OSBPL1A: variants seen among roughly 807,000 people sequenced by gnomAD.
OSBPL1A encodes the protein oxysterol-binding protein-related protein 1.
Under a neutral mutation model 137.1 loss-of-function variants are expected in OSBPL1A, and 80 were observed. The ratio of observed to expected loss-of-function variants is 0.58; its 90% confidence interval spans 0.49 to 0.70. The LOEUF (loss-of-function observed/expected upper bound fraction) is 0.70, where lower values mean the gene tolerates loss of function less well. Ranked by LOEUF, OSBPL1A falls within the 30% of genes least tolerant of loss-of-function variation. The pLI is 0.00. For missense variants in OSBPL1A, 970 were observed against 1,129.4 expected, an observed-to-expected ratio of 0.86 and a Z score of 2.02; for synonymous variants, 365 against 389.7, an observed-to-expected ratio of 0.94 and a Z score of 0.75.
At chr18:24,358,599 AAC>A in intron 4 of OSBPL1A, 2 of 691,532 alleles carry the variant, frequency 2.9e-6, no homozygotes, top group Non-Finnish European at 5.3e-6. Flanking sequence ...CATCGCCTGA[AAC>A]ACAGTAGGCC....
chr18:24,172,510 C>T (rs1016409465), intron 21 of OSBPL1A, 27 bp from the exon 22 acceptor site: 7 of 1,506,518 alleles, frequency 4.6e-6, no homozygotes, highest in Non-Finnish European at 6.5e-6. Flanking sequence ...AACCCAGAAG[C>T]ATAAGTGAGA....
intron 15 of OSBPL1A, among the ~76,000 whole-genome samples, chr18:24,268,785 C>T (rs17797837): frequency 0.12 from 17,871 of 152,152 alleles, 1,248 homozygotes; most frequent in South Asian, 0.17. Context: ...CAAGCGTCTT[C>T]TCCTAGGTAA....
At chr18:24,188,176 C>T (rs545236128) in intron 18 of OSBPL1A, among the ~76,000 whole-genome samples, 1 of 152,334 alleles carries the variant, frequency 6.6e-6, no homozygotes, top group East Asian at 1.9e-4. Context: ...AGGAGTTCTT[C>T]CCTCAAAGAG....
intron 1 of OSBPL1A, among the ~76,000 whole-genome samples, chr18:24,390,830 T>C (rs571126043): frequency 3.3e-4 from 50 of 151,830 alleles, no homozygotes; most frequent in Admixed American, 1.6e-3. Context: ...CCAGGTGCAG[T>C]GGCTCACGGC....
intron 15 of OSBPL1A, among the ~76,000 whole-genome samples, chr18:24,247,141 T>C (rs2088921260): frequency 6.6e-6 from 1 of 152,200 alleles, no homozygotes; most frequent in African/African-American, 2.4e-5. Context: ...GACTGAACCC[T>C]AGCAGAAATG....
intron 1 of OSBPL1A, among the ~76,000 whole-genome samples, chr18:24,382,806 G>T (rs917904646): frequency 8.5e-5 from 13 of 152,102 alleles, no homozygotes; most frequent in Admixed American, 2.0e-4. Context: ...AGCTCAGGAA[G>T]TTGAGACTGC....
At chr18:24,170,539 C>T (rs2086251981) in intron 23 of OSBPL1A, 86 bp from the exon 24 acceptor site, 5 of 1,493,872 alleles carry the variant, frequency 3.3e-6, no homozygotes, top group East Asian at 4.5e-5. Context: ...GGCGGTCTCC[C>T]ATCCGAGTAC....
chr18:24,349,843 C>A (rs938625911), intron 4 of OSBPL1A, among the ~76,000 whole-genome samples: 1 of 152,124 alleles, frequency 6.6e-6, no homozygotes, highest in Non-Finnish European at 1.5e-5. Flanking sequence ...TCAGTCTTCA[C>A]GGTCCCTGAG....
At chr18:24,208,994 A>G (rs1425764672) in intron 17 of OSBPL1A, among the ~76,000 whole-genome samples, 2 of 152,224 alleles carry the variant, frequency 1.3e-5, no homozygotes, top group Non-Finnish European at 2.9e-5. Context: ...GCAGTGGCTG[A>G]AAGTTTGGGG....
intron 17 of OSBPL1A, among the ~76,000 whole-genome samples, chr18:24,215,422 C>T (rs138750345): frequency 3.3e-5 from 5 of 152,226 alleles, no homozygotes; most frequent in Middle Eastern, 3.4e-3. Context: ...GTGTATAAAC[C>T]AAATTTTTCT....
intron 24 of OSBPL1A, among the ~76,000 whole-genome samples, chr18:24,169,713 G>A (rs2086229532): frequency 6.6e-6 from 1 of 152,158 alleles, no homozygotes; most frequent in Non-Finnish European, 1.5e-5. Context: ...CCAAAGAGGT[G>A]CAGTCCTCGA....
At position 24,211,393 on chromosome 18, in the gene OSBPL1A, T is replaced by C. The variant is rs57688952; in HGVS notation, c.1601+13649A>G. ...TTAAGAAAGGATAACTGGATTCTCA[T>C]AACTGTTTATGCATTCAATCTGCGA... On this transcript the variant is annotated intron_variant, in intron 17 of 27. Coordinates refer to ENST00000319481, the MANE Select transcript of OSBPL1A (RefSeq NM_080597.4). Among the ~76,000 whole-genome samples, 1,006 of 152,346 alleles carry C rather than the reference T, an allele frequency of 6.6e-3. 8 individuals carry two copies. The highest frequency in any genetic ancestry group is 0.023 in the African/African-American group (960 of 41,598).
chr18:24,341,457 T>C, intron 5 of OSBPL1A, 90 bp downstream of exon 5: 3 of 856,352 alleles, frequency 3.5e-6, no homozygotes, highest in Non-Finnish European at 5.7e-6. Context: ...TTATCCTCTG[T>C]TTTGTCCTCT....
At chr18:24,239,449 G>A in intron 15 of OSBPL1A, 67 bp from the exon 16 acceptor site, 1 of 1,418,114 alleles carries the variant, frequency 7.1e-7, no homozygotes. Flanking sequence ...CTCAGAGGAT[G>A]TGAAAATTAA....
rs569440990 is a variant in OSBPL1A at position 24,292,884 on chromosome 18, T to A, written c.1174+10753A>T. Among the ~76,000 whole-genome samples, 4 of 151,900 alleles carry A rather than the reference T, an allele frequency of 2.6e-5. No individual in the cohort carries two copies. The East Asian group carries it at 7.8e-4, about 29-fold the overall frequency. On this transcript the variant is annotated intron_variant, in intron 14 of 27. Coordinates refer to ENST00000319481, the MANE Select transcript of OSBPL1A (RefSeq NM_080597.4). ...ACTTTGGGAGGCTGAAGTGGGTGGA[T>A]CACTTGAGGTCAGGAGTTCAAGGCC...
At chr18:24,206,244 C>G (rs1025255076) in intron 17 of OSBPL1A, among the ~76,000 whole-genome samples, 3 of 152,164 alleles carry the variant, frequency 2.0e-5, no homozygotes, top group Admixed American at 6.5e-5. Context: ...CACCTGGGAC[C>G]AGATACAGGT....
chr18:24,361,155 G>A (rs892584178), intron 4 of OSBPL1A, among the ~76,000 whole-genome samples: 6 of 151,900 alleles, frequency 3.9e-5, no homozygotes, highest in African/African-American at 1.2e-4. Flanking sequence ...TCAGCCTCCC[G>A]AGTAGCTGGG....
chr18:24,387,433 T>C (rs1907027488), intron 1 of OSBPL1A, among the ~76,000 whole-genome samples: 1 of 152,162 alleles, frequency 6.6e-6, no homozygotes, highest in African/African-American at 2.4e-5. Flanking sequence ...CAGAAATATC[T>C]GTAATTTAAA....
At chr18:24,259,607 A>G (rs180899255) in intron 15 of OSBPL1A, among the ~76,000 whole-genome samples, 10 of 152,312 alleles carry the variant, frequency 6.6e-5, no homozygotes, top group African/African-American at 2.4e-4. Flanking sequence ...ACTGCCATAC[A>G]GGCCCAGACT....
Sources: gnomAD v4.1 joint callset for allele counts (sites outside exome capture counted in the v4.1 genomes callset) on GRCh38, gnomAD v4.1.1 for gene constraint, MANE v1.5 for transcripts, NCBI Gene and HGNC (gene_info 2026-07-23, HGNC 2026-07-21) for gene names.